The following SPATA7 variants were observed in gnomAD, a reference collection of about 807,000 sequenced individuals.
SPATA7 encodes the protein spermatogenesis associated 7, also known as spermatogenesis-associated protein 7.
Under a neutral mutation model 51.8 loss-of-function variants are expected in SPATA7, and 43 were observed. That is an observed-to-expected ratio of 0.83 (90% CI 0.65 to 1.07). The LOEUF (loss-of-function observed/expected upper bound fraction) is 1.07, where lower values mean the gene tolerates loss of function less well. SPATA7 is among the 50% of genes least tolerant of loss of function. The probability of loss-of-function intolerance (pLI) is 0.00; values close to 1 mark genes in which losing one functional copy is unlikely to be tolerated. For missense variants in SPATA7, 683 were observed against 701.3 expected, an observed-to-expected ratio of 0.97 and a Z score of 0.30; for synonymous variants, 230 against 252.8, an observed-to-expected ratio of 0.91 and a Z score of 0.86.
intron 5 of SPATA7, among the ~76,000 whole-genome samples, chr14:88,424,841 A>T (rs1337516944): frequency 6.6e-6 from 1 of 152,150 alleles, no homozygotes; most frequent in African/African-American, 2.4e-5. Flanking sequence ...AAACAGTTGG[A>T]AAGGAAAGGT....
intron 10 of SPATA7, among the ~76,000 whole-genome samples, chr14:88,437,221 GTGTA>G (rs761838217): frequency 6.6e-6 from 1 of 151,914 alleles, no homozygotes; most frequent in Non-Finnish European, 1.5e-5. Flanking sequence ...GTGTGTGTGT[GTGTA>G]AATATCGGGG....
intron 4 of SPATA7, among the ~76,000 whole-genome samples, chr14:88,398,407 C>T (rs1223927585): frequency 2.1e-5 from 3 of 144,874 alleles, no homozygotes; most frequent in Admixed American, 7.3e-5. Flanking sequence ...CATATTCTCA[C>T]TCATAGGTGA....
At chr14:88,456,083 C>G (rs1488843187), downstream of SPATA7, among the ~76,000 whole-genome samples, 1 of 152,070 alleles carries the variant, frequency 6.6e-6, no homozygotes, top group Non-Finnish European at 1.5e-5. Context: ...GCATAGTATT[C>G]CATGGTGTAT....
At chr14:88,389,065 AC>A (rs1233500327) in intron 1 of SPATA7, among the ~76,000 whole-genome samples, 1 of 152,214 alleles carries the variant, frequency 6.6e-6, no homozygotes, top group African/African-American at 2.4e-5. Flanking sequence ...TAACTTTTCA[AC>A]AAAAAGAAAT....
At chr14:88,385,922 C>G (rs1238346931) in intron 1 of SPATA7, 85 bp downstream of exon 1, 1 of 1,414,234 alleles carries the variant, frequency 7.1e-7, no homozygotes, top group African/African-American at 2.8e-5. Context: ...CAGCTGAGTG[C>G]AAGGCCGCCC....
chr14:88,402,603 GA>G (rs1279043192), intron 4 of SPATA7, among the ~76,000 whole-genome samples: 1 of 152,110 alleles, frequency 6.6e-6, no homozygotes, highest in Non-Finnish European at 1.5e-5. Flanking sequence ...GCAGAAGGAT[GA>G]AAATGGACTC....
intron 3 of SPATA7, among the ~76,000 whole-genome samples, chr14:88,449,506 A>G (rs995164724): frequency 2.0e-5 from 3 of 152,278 alleles, no homozygotes; most frequent in South Asian, 2.1e-4. Context: ...TATATGGTCT[A>G]TCTTGGAGAA....
intron 4 of SPATA7, among the ~76,000 whole-genome samples, chr14:88,413,593 T>A (rs1391213412): frequency 6.6e-6 from 1 of 152,036 alleles, no homozygotes; most frequent in Non-Finnish European, 1.5e-5. Flanking sequence ...TGAATAAGAG[T>A]GGTGATAGTG....
chr14:88,403,311 A>G (rs1045402601), intron 4 of SPATA7, among the ~76,000 whole-genome samples: 1 of 152,220 alleles, frequency 6.6e-6, no homozygotes, highest in Admixed American at 6.5e-5. Context: ...AAGCAATCCC[A>G]CTTCTGAATA....
At chr14:88,445,945 C>T (rs2077208806) in intron 3 of SPATA7, among the ~76,000 whole-genome samples, 1 of 152,124 alleles carries the variant, frequency 6.6e-6, no homozygotes, top group Non-Finnish European at 1.5e-5. Flanking sequence ...GTCTAAAATT[C>T]TCTTTTTTGG....
chr14:88,408,872 G>T (rs1158820790), intron 4 of SPATA7, among the ~76,000 whole-genome samples: 2 of 152,136 alleles, frequency 1.3e-5, no homozygotes, highest in Admixed American at 1.3e-4. Flanking sequence ...TAATCCTGTG[G>T]TTTTTGTCAT....
chr14:88,457,325 A>G (rs1319593811), downstream of SPATA7, among the ~76,000 whole-genome samples: 1 of 152,098 alleles, frequency 6.6e-6, no homozygotes, highest in Non-Finnish European at 1.5e-5. Context: ...CACTATGGCC[A>G]TTTTCATGAT....
At position 88,469,870 on chromosome 14, in the gene SPATA7, T is replaced by C; in HGVS notation, c.*3T>C. 2 of 1,611,206 alleles carry C rather than the reference T, an allele frequency of 1.2e-6. No individual in the cohort carries two copies. The highest frequency in any genetic ancestry group is 8.5e-7 in the Non-Finnish European group (1 of 1,177,618). ...AGGTCAGGATTCCAGATGATTAACA[T>C]TAACTGTTCTTCAGAGGCTGAGAAA... On this transcript the variant is annotated 3_prime_UTR_variant, in exon 5 of 5. Coordinates refer to the SPATA7 transcript ENST00000556406. The surrounding 1 kb of genome is among the most constrained non-coding windows in gnomAD (Gnocchi z 4.3).
intron 4 of SPATA7, among the ~76,000 whole-genome samples, chr14:88,401,582 T>G (rs763486449): frequency 2.6e-5 from 4 of 151,974 alleles, no homozygotes; most frequent in Non-Finnish European, 5.9e-5. Context: ...ACTCCTGTAA[T>G]TGCAATACTT....
At chr14:88,458,347 C>CTAGA (rs2077297868), downstream of SPATA7, among the ~76,000 whole-genome samples, 1 of 152,192 alleles carries the variant, frequency 6.6e-6, no homozygotes, top group African/African-American at 2.4e-5. Context: ...GTGAATCCAT[C>CTAGA]TGGTCCTGGA....
At chr14:88,434,697 A>G (rs913779784) in intron 10 of SPATA7, among the ~76,000 whole-genome samples, 6 of 151,780 alleles carry the variant, frequency 4.0e-5, no homozygotes, top group Non-Finnish European at 5.9e-5. Context: ...GAAAAAAAAA[A>G]AAAAAGAAAA....
downstream of SPATA7, among the ~76,000 whole-genome samples, chr14:88,440,738 G>T (rs74075332): frequency 0.026 from 3,933 of 152,236 alleles, 171 homozygotes; most frequent in African/African-American, 0.089. Flanking sequence ...ATATCTTGGA[G>T]AGGGGTAATT....
intron 3 of SPATA7, among the ~76,000 whole-genome samples, chr14:88,446,671 C>T (rs1172092865): frequency 6.6e-6 from 1 of 152,064 alleles, no homozygotes; most frequent in Non-Finnish European, 1.5e-5. Context: ...CCCAGAGATT[C>T]TGGTATGTGG....
chr14:88,395,173 T>G (rs1451962754), intron 3 of SPATA7, among the ~76,000 whole-genome samples: 2 of 152,082 alleles, frequency 1.3e-5, no homozygotes, highest in East Asian at 3.9e-4. Flanking sequence ...CTTCCACTAA[T>G]GTTAAAAATC....
Sources: allele counts gnomAD v4.1 joint callset (sites outside exome capture counted in the v4.1 genomes callset), GRCh38; gene constraint gnomAD v4.1.1; non-coding constraint Gnocchi (gnomAD v3.1); transcripts MANE v1.5; gene names NCBI Gene and HGNC (gene_info 2026-07-23, HGNC 2026-07-21).